SLC9A2: variants seen among roughly 807,000 people sequenced by gnomAD.
The protein encoded by SLC9A2 is solute carrier family 9 member A2.
A neutral mutation model predicts 71.7 loss-of-function variants in SLC9A2; 42 were observed. The observed-to-expected ratio is 0.59, with a 90% CI of 0.46 to 0.76. The LOEUF (loss-of-function observed/expected upper bound fraction) is 0.76. SLC9A2 is among the 30% of genes least tolerant of loss of function. The probability of loss-of-function intolerance (pLI) is 0.00; values close to 1 mark genes in which losing one functional copy is unlikely to be tolerated. For missense variants in SLC9A2, 829 were observed against 1,017.4 expected (o/e 0.81, Z 2.52); for synonymous variants, 396 against 392.5 (o/e 1.01, Z -0.10).
Position 102,689,169 on chromosome 2 carries a change from C to T in SLC9A2, c.1425+4833C>T, listed in dbSNP as rs1158305575. On this transcript the variant is annotated intron_variant, in intron 5 of 11. Transcript: ENST00000233969. Reference sequence around the variant, plus strand: ...TGTGTTGGTTTGTGTCAGTTTTCCACACCTCCTTGTCCCATGGGGGTGACA... The same window carrying T: ...TGTGTTGGTTTGTGTCAGTTTTCCATACCTCCTTGTCCCATGGGGGTGACA... Among the ~76,000 whole-genome samples, 3 of 152,196 alleles carry T rather than the reference C, an allele frequency of 2.0e-5. No individual in the cohort carries two copies. The South Asian group carries it at 6.2e-4, about 32-fold the overall frequency.
At position 102,681,057 on chromosome 2, in the gene SLC9A2, T is replaced by C. The variant is rs531143406; in HGVS notation, c.1005-2204T>C. On this transcript the variant is annotated intron_variant, in intron 3 of 11. Coordinates refer to ENST00000233969, the MANE Select transcript of SLC9A2 (RefSeq NM_003048.6). ...CCTCTGGAAGTGCAAGATGGAAATC[T>C]GCATTGTTTGAAGCCACTCAGTTTG... 2.0e-5 allele frequency among the ~76,000 whole-genome samples: 3 copies of C among 152,304 alleles called. No homozygotes were observed. The South Asian group carries it at 6.2e-4, about 32-fold the overall frequency.
Position 102,684,159 on chromosome 2 carries a change from T to C in SLC9A2, c.1248T>C (p.Ile416=), listed in dbSNP as rs1055604588. The C allele has an allele frequency of 6.2e-7, 1 of 1,614,182 alleles. No homozygotes were observed. The highest frequency in any genetic ancestry group is 1.3e-5 in the African/African-American group (1 of 75,050). Residue 416 remains isoleucine, a synonymous_variant, in exon 5 of 12, where the codon ATT becomes ATC. Transcript: ENST00000233969. The part of the protein sequence containing the change: ...ALGVFVLTQV[I]NRFRTIPLTF... The stretch of plus-strand genomic sequence containing the variant: ...GTGTTTTTGTCCTGACTCAGGTCAT[T>C]AATAGGTTCCGGACCATTCCCCTGA...
Position 102,695,133 on chromosome 2 carries a change from T to C in SLC9A2, c.1586+20T>C, listed in dbSNP as rs771343381. On this transcript the variant is annotated intron_variant, in intron 7 of 11. Coordinates refer to ENST00000233969, the MANE Select transcript of SLC9A2 (RefSeq NM_003048.6). ...AGACAAGTAAGAAGGTCTTATGCCA[T>C]TGGGTTATGAAGTGGCCCAGGGTCA... 5.0e-6 allele frequency: 8 copies of C among 1,590,022 alleles called. No individual in the cohort carries two copies. Among genetic ancestry groups the C allele is most frequent in the South Asian group, 1.1e-5 (1 of 90,430 alleles).
intron 1 of SLC9A2, among the ~76,000 whole-genome samples, chr2:102,648,695 TAGAC>T (rs1328006150): frequency 1.3e-5 from 2 of 151,940 alleles, no homozygotes; most frequent in East Asian, 1.9e-4. Context: ...ACACCAATAA[TAGAC>T]AGAGAGCCAA....
intron 1 of SLC9A2, among the ~76,000 whole-genome samples, chr2:102,626,369 A>T (rs1370725737): frequency 6.6e-6 from 1 of 152,244 alleles, no homozygotes; most frequent in East Asian, 1.9e-4. Context: ...GGCTAGCCAT[A>T]TTTAGAAAGC....
At chr2:102,682,492 G>A (rs150037544) in intron 3 of SLC9A2, among the ~76,000 whole-genome samples, 2 of 152,290 alleles carry the variant, frequency 1.3e-5, no homozygotes, top group African/African-American at 4.8e-5. Flanking sequence ...ACTTGACCCT[G>A]GAGCCCTTCC....
At chr2:102,640,041 G>A (rs1676544986) in intron 1 of SLC9A2, among the ~76,000 whole-genome samples, 1 of 152,202 alleles carries the variant, frequency 6.6e-6, no homozygotes, top group African/African-American at 2.4e-5. Flanking sequence ...CAAAAAGTGA[G>A]ATACAAACTC....
intron 1 of SLC9A2, among the ~76,000 whole-genome samples, chr2:102,628,372 C>T (rs930991210): frequency 1.3e-5 from 2 of 152,082 alleles, no homozygotes; most frequent in African/African-American, 4.8e-5. Context: ...TGATGGATCT[C>T]ATCTCAGGAT....
rs1466456863 is a variant in SLC9A2 at position 102,674,268 on chromosome 2, T to C, written c.1004+8918T>C. Among the ~76,000 whole-genome samples the C allele has an allele frequency of 2.0e-5, 3 of 152,294 alleles. No homozygotes were observed. The East Asian group carries it at 5.8e-4, about 29-fold the overall frequency. On this transcript the variant is annotated intron_variant, in intron 3 of 11. Transcript: ENST00000233969. ...TACGGAGGTCAAGCTTGGCCCTTCC[T>C]TGACATGATACGTGTCCCAAGGAGA...
At chr2:102,660,889 C>A (rs962498820) in intron 2 of SLC9A2, among the ~76,000 whole-genome samples, 1 of 152,146 alleles carries the variant, frequency 6.6e-6, no homozygotes, top group Non-Finnish European at 1.5e-5. Context: ...AATTCATTGT[C>A]ACAGTATATA....
chr2:102,702,631 T>C (rs1264688299), intron 9 of SLC9A2, 129 bp downstream of exon 9: 1 of 606,174 alleles, frequency 1.6e-6, no homozygotes, highest in Non-Finnish European at 2.9e-6. Context: ...GCATCTTCTC[T>C]CCTTCTGCTT....
At chr2:102,679,480 C>T (rs1363898930) in intron 3 of SLC9A2, among the ~76,000 whole-genome samples, 1 of 151,536 alleles carries the variant, frequency 6.6e-6, no homozygotes, top group African/African-American at 2.4e-5. Context: ...CTCCCGGGTT[C>T]ACGCCATTCT....
intron 3 of SLC9A2, among the ~76,000 whole-genome samples, chr2:102,675,992 C>T (rs1677339251): frequency 6.6e-6 from 1 of 152,226 alleles, no homozygotes; most frequent in African/African-American, 2.4e-5. Context: ...GGATGGGGCA[C>T]AGGCATTTGT....
At chr2:102,643,518 C>G (rs1231483238) in intron 1 of SLC9A2, among the ~76,000 whole-genome samples, 1 of 152,176 alleles carries the variant, frequency 6.6e-6, no homozygotes, top group Non-Finnish European at 1.5e-5. Context: ...ATTGGCATTT[C>G]TGGGCTGCCG....
rs762192465 is a variant in SLC9A2, at chr2:102,711,265, C to T, written c.*2776C>T. 9 of 152,266 alleles carry T rather than the reference C, an allele frequency of 5.9e-5. No individual in the cohort carries two copies. The highest frequency in any genetic ancestry group is 3.3e-4 in the Admixed American group (5 of 15,270). 9.4% of individuals were successfully genotyped at this position (152,266 alleles called of 1,614,324 possible). On this transcript the variant is annotated 3_prime_UTR_variant, in exon 12 of 12. Transcript: ENST00000233969. Reference sequence around the variant, plus strand: ...TCTGCAATATTTTTGTCAAAGTGCACACTGTACTTTCTTCTTAAAAACGTG... The same window carrying T: ...TCTGCAATATTTTTGTCAAAGTGCATACTGTACTTTCTTCTTAAAAACGTG...
intron 1 of SLC9A2, among the ~76,000 whole-genome samples, chr2:102,651,034 C>G (rs1443715470): frequency 1.3e-5 from 2 of 152,138 alleles, no homozygotes; most frequent in African/African-American, 4.8e-5. Context: ...TTTGTTTGAA[C>G]CTCAAACTAT....
chr2:102,640,212 TTG>T (rs1379272185), intron 1 of SLC9A2, among the ~76,000 whole-genome samples: 3 of 152,224 alleles, frequency 2.0e-5, no homozygotes, highest in South Asian at 2.1e-4. Context: ...AGGAAGAAAC[TTG>T]TGTTTCTCTG....
At chr2:102,631,248 A>T (rs1676348891) in intron 1 of SLC9A2, among the ~76,000 whole-genome samples, 1 of 151,880 alleles carries the variant, frequency 6.6e-6, no homozygotes, top group Non-Finnish European at 1.5e-5. Context: ...TAAGGAGTTG[A>T]CATATTTCTT....
At chr2:102,706,044 G>GGAACATCACA (rs1199509061) in intron 11 of SLC9A2, 108 bp downstream of exon 11, 923 of 35,236 alleles carry the variant, frequency 0.026, 227 homozygotes, top group Middle Eastern at 0.023. Flanking sequence ...TTCCGGCCGG[G>GGAACATCACA]CGCGGTGGCT....
Sources: allele counts gnomAD v4.1 joint callset (sites outside exome capture counted in the v4.1 genomes callset), GRCh38; gene constraint gnomAD v4.1.1; transcripts MANE v1.5; gene names NCBI Gene and HGNC (gene_info 2026-07-23, HGNC 2026-07-21).